MPDZ: variants seen among roughly 807,000 people sequenced by gnomAD.
MPDZ encodes multiple PDZ domain crumbs cell polarity complex component.
A neutral mutation model predicts 239.1 loss-of-function variants in MPDZ; 234 were observed. The ratio of observed to expected loss-of-function variants is 0.98; its 90% CI spans 0.88 to 1.09. MPDZ has a LOEUF of 1.09. Among genes scored for constraint, MPDZ ranks in the 50% least tolerant of loss-of-function variants. MPDZ has a pLI of 0.00. For missense variants in MPDZ, 3,175 were observed against 2,510.0 expected (o/e 1.26, Z -5.66); for synonymous variants, 1,048 against 881.3 (o/e 1.19, Z -3.35).
intron 23 of MPDZ, among the ~76,000 whole-genome samples, chr9:13,161,188 T>C (rs974651705): frequency 2.6e-5 from 4 of 151,968 alleles, no homozygotes; most frequent in Admixed American, 2.0e-4. Flanking sequence ...ATCTGTAATG[T>C]GCAGAGGAAT....
chr9:13,264,919 C>T (rs1464185766), intron 1 of MPDZ, among the ~76,000 whole-genome samples: 1 of 152,178 alleles, frequency 6.6e-6, no homozygotes, highest in Non-Finnish European at 1.5e-5. Flanking sequence ...GGTTGTTGGG[C>T]AGATTGCCCC....
chr9:13,117,338 T>G (rs1194362852), intron 39 of MPDZ, among the ~76,000 whole-genome samples: 1 of 152,114 alleles, frequency 6.6e-6, no homozygotes, highest in Admixed American at 6.5e-5. Flanking sequence ...GAGACCATCC[T>G]GGGTAACACA....
intron 10 of MPDZ, among the ~76,000 whole-genome samples, chr9:13,210,801 C>A (rs755200180): frequency 9.2e-5 from 14 of 152,062 alleles, no homozygotes; most frequent in Non-Finnish European, 1.9e-4. Flanking sequence ...AAAAATCCAT[C>A]ATCTGTTATT....
chr9:13,229,933 G>A (rs968320369), intron 3 of MPDZ, among the ~76,000 whole-genome samples: 2 of 151,684 alleles, frequency 1.3e-5, no homozygotes, highest in Admixed American at 1.3e-4. Context: ...ATAAGTCAAG[G>A]ATACATATAT....
At chr9:13,116,496 T>G (rs1232661217) in intron 39 of MPDZ, among the ~76,000 whole-genome samples, 3 of 152,208 alleles carry the variant, frequency 2.0e-5, no homozygotes, top group African/African-American at 4.8e-5. Context: ...ATGTTGATCA[T>G]GAATCATACT....
intron 19 of MPDZ, among the ~76,000 whole-genome samples, chr9:13,181,827 G>A (rs374198444): frequency 7.9e-5 from 12 of 152,140 alleles, no homozygotes; most frequent in Non-Finnish European, 1.2e-4. Context: ...AAGAAGACGT[G>A]TGCTATGCTG....
chr9:13,153,309 C>T lies in MPDZ; in HGVS notation c.3453-2621G>A, dbSNP rs140253590. On this transcript the variant is annotated intron_variant, in intron 24 of 46. Coordinates refer to ENST00000319217, the MANE Select transcript of MPDZ (RefSeq NM_001378778.1). ...GAAACTCTACCTGTTTAGTTTAAAA[C>T]GACCTTACCATGATCCTTGATCTTA... Among the ~76,000 whole-genome samples the T allele has an allele frequency of 2.6e-3, 389 of 152,204 alleles. 2 individuals carry two copies. The highest frequency in any genetic ancestry group is 8.0e-3 in the African/African-American group (333 of 41,538).
intron 25 of MPDZ, among the ~76,000 whole-genome samples, chr9:13,149,895 T>G (rs796276253): frequency 1.3e-5 from 2 of 151,856 alleles, no homozygotes; most frequent in African/African-American, 4.8e-5. Context: ...AGGAGCGAGA[T>G]CCTGGCTTCG....
In MPDZ at chr9:13,119,679, C is replaced by T. The variant is rs1031784693; in HGVS notation, c.5232-30G>A. 5.6e-6 allele frequency: 9 copies of T among 1,613,410 alleles called. No individual in the cohort carries two copies. In the African/African-American group the frequency reaches 1.2e-4, roughly 22 times the overall value. On this transcript the variant is annotated intron_variant, in intron 38 of 46. Transcript: ENST00000319217. Reference sequence around the variant, plus strand: ...ACACAATTTTGAATTTCAACATTATCTTTTGCTCAACTGTAATGCAATGCT... The same window carrying T: ...ACACAATTTTGAATTTCAACATTATTTTTTGCTCAACTGTAATGCAATGCT...
intron 3 of MPDZ, among the ~76,000 whole-genome samples, chr9:13,244,801 T>G (rs145848461): frequency 2.6e-5 from 4 of 152,278 alleles, no homozygotes; most frequent in African/African-American, 9.6e-5. Flanking sequence ...ATTGTAGGCT[T>G]AATTCAACAT....
intron 13 of MPDZ, among the ~76,000 whole-genome samples, chr9:13,195,384 G>A (rs774599783): frequency 6.6e-6 from 1 of 152,030 alleles, no homozygotes; most frequent in African/African-American, 2.4e-5. Flanking sequence ...TGCTATAAAC[G>A]CTAGTTATTA....
At chr9:13,237,366 G>A (rs1431247511) in intron 3 of MPDZ, among the ~76,000 whole-genome samples, 1 of 146,324 alleles carries the variant, frequency 6.8e-6, no homozygotes, top group African/African-American at 2.5e-5. Context: ...GAGCCCAAGA[G>A]GTCGAGGCTG....
chr9:13,174,964 A>G (rs1187572351), intron 21 of MPDZ, among the ~76,000 whole-genome samples: 2 of 152,200 alleles, frequency 1.3e-5, no homozygotes, highest in African/African-American at 4.8e-5. Flanking sequence ...AGACCCTGCC[A>G]TAAGACGTCA....
intron 12 of MPDZ, among the ~76,000 whole-genome samples, chr9:13,201,830 T>G (rs1956425488): frequency 6.6e-6 from 1 of 152,160 alleles, no homozygotes; most frequent in African/African-American, 2.4e-5. Flanking sequence ...GAAACAAATT[T>G]CTCATTGTGA....
At chr9:13,217,559 A>T (rs1448669067) in intron 8 of MPDZ, among the ~76,000 whole-genome samples, 1 of 151,882 alleles carries the variant, frequency 6.6e-6, no homozygotes, top group Non-Finnish European at 1.5e-5. Context: ...GCGTACAATA[A>T]ATTTTAAATC....
Position 13,147,556 on chromosome 9 carries a change from T to A in MPDZ, c.3733A>T (p.Arg1245Ter). The change falls in exon 26 of 47, where the codon AGA (arginine) becomes TGA (stop). Residue 1245 changes from arginine (R) to a stop codon, truncating the protein, a stop_gained. Transcript: ENST00000319217. LOFTEE classifies it high-confidence loss of function. Reference sequence around the variant, plus strand: ...CCTTTGTGTTCGCTTACCCTTGGTCTGTTTATAATGCTCTGTACCATAAAG... The same window carrying A: ...CCTTTGTGTTCGCTTACCCTTGGTCAGTTTATAATGCTCTGTACCATAAAG... ...VVFMVQSIIN[R>*]PRKSPLPSLL... The A allele has an allele frequency of 6.2e-7, 1 of 1,611,486 alleles. No homozygotes were observed. Among genetic ancestry groups the A allele is most frequent in the Non-Finnish European group, 8.5e-7 (1 of 1,178,034 alleles).
chr9:13,250,858 G>A (rs1967773097), intron 1 of MPDZ, among the ~76,000 whole-genome samples: 1 of 152,086 alleles, frequency 6.6e-6, no homozygotes, highest in Admixed American at 6.5e-5. Context: ...GCTGGGCATG[G>A]TGGCTCACAT....
Position 13,150,484 on chromosome 9 carries a change from TAGCACAGAA to T in MPDZ, c.3630+18_3630+26del. 6.9e-7 allele frequency: 1 copy of T among 1,439,684 alleles called. No homozygotes were observed. The highest frequency in any genetic ancestry group is 2.4e-5 in the Admixed American group (1 of 40,922). The allele number at this position is 1,439,684 out of a possible 1,614,324, so 89.2% of individuals were successfully genotyped here. A position where few individuals can be genotyped will look rare whatever the true frequency, so the allele number is the denominator to read the frequency against. ...TAAATAAAACAAAACAAACAAATTTTAGCACAGAAAGCTCACTAGAGGGTACCTCTACGA... is the reference window on the plus strand; with the variant it reads ...TAAATAAAACAAAACAAACAAATTTTAGCTCACTAGAGGGTACCTCTACGA... On this transcript the variant is annotated intron_variant, in intron 25 of 46. Transcript: ENST00000319217.
At chr9:13,202,075 C>T (rs1956448560) in intron 12 of MPDZ, among the ~76,000 whole-genome samples, 1 of 152,110 alleles carries the variant, frequency 6.6e-6, no homozygotes, top group Admixed American at 6.6e-5. Flanking sequence ...AGTTGGCTAC[C>T]TCTTCCAGTT....
Sources: allele counts gnomAD v4.1 joint callset (sites outside exome capture counted in the v4.1 genomes callset), GRCh38; gene constraint gnomAD v4.1.1; transcripts MANE v1.5; gene names NCBI Gene and HGNC (gene_info 2026-07-23, HGNC 2026-07-21).